The following KMT5A variants were observed in gnomAD, a reference collection of about 807,000 sequenced individuals.
The protein encoded by KMT5A is lysine methyltransferase 5A.
Under a neutral mutation model 40.6 loss-of-function variants are expected in KMT5A, and 6 were observed. The ratio of observed to expected loss-of-function variants is 0.15; its 90% CI spans 0.08 to 0.29. The LOEUF (loss-of-function observed/expected upper bound fraction) is 0.29, where lower values mean the gene tolerates loss of function less well. Among genes scored for constraint, KMT5A ranks in the 10% least tolerant of loss-of-function variants. The pLI is 1.00. For synonymous variants in KMT5A, 153 were observed against 178.8 expected (o/e 0.86, Z 1.15); for missense variants, 308 against 459.1 (o/e 0.67, Z 3.01).
chr12:123,386,946 C>G (rs1876909434), intron 1 of KMT5A, among the ~76,000 whole-genome samples: 1 of 151,920 alleles, frequency 6.6e-6, no homozygotes, highest in Non-Finnish European at 1.5e-5. Context: ...AACTCCACCC[C>G]CCTGGGTTCA....
At chr12:123,392,555 T>TTGGG (rs1877392135) in intron 3 of KMT5A, among the ~76,000 whole-genome samples, 1 of 152,086 alleles carries the variant, frequency 6.6e-6, no homozygotes, top group South Asian at 2.1e-4. Context: ...TCCCAGCTGC[T>TTGGG]TGGGAGGCTA....
At chr12:123,388,055 G>A (rs1281842794) in intron 1 of KMT5A, among the ~76,000 whole-genome samples, 1 of 152,202 alleles carries the variant, frequency 6.6e-6, no homozygotes, top group Non-Finnish European at 1.5e-5. Context: ...ACAGAGTAGT[G>A]GTGCAGGGCA....
chr12:123,390,181 T>C, intron 2 of KMT5A: 1 of 461,212 alleles, frequency 2.2e-6, no homozygotes, highest in Non-Finnish European at 4.4e-6. Context: ...GGGCTCTGGC[T>C]GTGCTGACAG....
In KMT5A at chr12:123,384,214, T is replaced by C. The variant is rs573769576; in HGVS notation, c.10+6T>C. ...GAGTGGAGCCATGGCTAGAGGTATT[T>C]GCCCAAGTGGCCGGCACCGGAGCGG... On this transcript the variant is annotated splice_donor_region_variant and intron_variant, in intron 1 of 7. Coordinates refer to ENST00000402868, the MANE Select transcript of KMT5A (RefSeq NM_020382.7). This position sits in a 1 kb window ranked among gnomAD's most constrained non-coding sequence, Gnocchi z 5.7. The C allele has an allele frequency of 3.1e-6, 5 of 1,613,374 alleles. No homozygotes were observed. The African/African-American group carries it at 4.0e-5, about 13-fold the overall frequency.
At chr12:123,401,807 C>T (rs999299018) in intron 5 of KMT5A, among the ~76,000 whole-genome samples, 1 of 152,100 alleles carries the variant, frequency 6.6e-6, no homozygotes, top group Admixed American at 6.6e-5. Flanking sequence ...GTCTCAAACT[C>T]GTAACCTCAA....
At position 123,390,271 on chromosome 12, in the gene KMT5A, G is replaced by T. The variant is rs188580281; in HGVS notation, c.133-359G>T. On this transcript the variant is annotated intron_variant, in intron 2 of 7. Transcript: ENST00000402868. Reference sequence around the variant, plus strand: ...TCTGTGCTGAGTCCCTGCGGCTCCTGCCAGGGCAGTGAACTCCTAAAGATA... The same window carrying T: ...TCTGTGCTGAGTCCCTGCGGCTCCTTCCAGGGCAGTGAACTCCTAAAGATA... 2.3e-5 allele frequency: 9 copies of T among 399,098 alleles called. No homozygotes were observed. The East Asian group carries it at 6.2e-4, about 28-fold the overall frequency. 24.7% of individuals were successfully genotyped at this position (399,098 alleles called of 1,614,324 possible). A position where few individuals can be genotyped will look rare whatever the true frequency, so the allele number is the denominator to read the frequency against.
chr12:123,390,164 G>A, intron 2 of KMT5A: 1 of 463,992 alleles, frequency 2.2e-6, no homozygotes, highest in Non-Finnish European at 4.4e-6. Flanking sequence ...AGGCTCCGGC[G>A]CTCATGGGGC....
rs373776406 is a variant in KMT5A at position 123,390,773 on chromosome 12, C to T, written c.276C>T (p.Tyr92=). The change falls in exon 3 of 8, where the codon TAC becomes TAT. Residue 92 remains tyrosine, a synonymous_variant. Coordinates refer to ENST00000402868, the MANE Select transcript of KMT5A (RefSeq NM_020382.7). ...AGGGGAAACCATTAGCCGGAATCTACAGGAAACGAGAAGGTAAGCTTTTGA... is the reference window on the plus strand; with the variant it reads ...AGGGGAAACCATTAGCCGGAATCTATAGGAAACGAGAAGGTAAGCTTTTGA... ...KCQGKPLAGI[Y]RKREEKRNAG... The T allele has an allele frequency of 2.8e-5, 45 of 1,613,754 alleles. No individual in the cohort carries two copies. The East Asian group carries it at 3.8e-4, about 14-fold the overall frequency.
At chr12:123,401,674 T>C (rs1321168195) in intron 5 of KMT5A, among the ~76,000 whole-genome samples, 1 of 151,844 alleles carries the variant, frequency 6.6e-6, no homozygotes, top group Non-Finnish European at 1.5e-5. Context: ...CTCCACCTCC[T>C]GGGTTCAAGC....
intron 1 of KMT5A, chr12:123,388,847 G>A (rs1305478876): frequency 6.7e-6 from 1 of 149,272 alleles, no homozygotes; most frequent in Non-Finnish European, 1.5e-5. Context: ...GGGCGCGCCC[G>A]AGCCGGGATT....
intron 2 of KMT5A, chr12:123,390,217 G>C (rs1242347181): frequency 4.4e-6 from 2 of 450,050 alleles, no homozygotes; most frequent in Non-Finnish European, 8.9e-6. Context: ...TCAGCACCAA[G>C]TGGTTAATCA....
At chr12:123,391,877 C>T (rs901676179) in intron 3 of KMT5A, among the ~76,000 whole-genome samples, 1 of 152,234 alleles carries the variant, frequency 6.6e-6, no homozygotes, top group Non-Finnish European at 1.5e-5. Flanking sequence ...CAGGGCTGGG[C>T]AAGCCCTGAA....
intron 5 of KMT5A, among the ~76,000 whole-genome samples, chr12:123,402,290 G>GC (rs1169436224): frequency 3.3e-5 from 5 of 152,262 alleles, no homozygotes; most frequent in African/African-American, 1.2e-4. Context: ...CGGGGCCGGG[G>GC]CCGTGGCTGG....
chr12:123,399,825 GT>G (rs1014306153), intron 5 of KMT5A, among the ~76,000 whole-genome samples: 3 of 151,938 alleles, frequency 2.0e-5, no homozygotes, highest in African/African-American at 4.8e-5. Flanking sequence ...TGGGTTTTTT[GT>G]TGTTTTGTTT....
chr12:123,396,509 G>C, intron 5 of KMT5A, 77 bp downstream of exon 5: 1 of 1,346,196 alleles, frequency 7.4e-7, no homozygotes, highest in South Asian at 1.2e-5. Flanking sequence ...GTGCGTATGT[G>C]TGTGTCCTCA....
chr12:123,407,208 A>G, intron 7 of KMT5A, among the ~76,000 whole-genome samples: 1 of 150,794 alleles, frequency 6.6e-6, no homozygotes, highest in South Asian at 2.1e-4. Context: ...ATGTGGTGGC[A>G]TGTACCTGTG....
chr12:123,402,804 G>A (rs1304862935), intron 5 of KMT5A, among the ~76,000 whole-genome samples: 1 of 152,196 alleles, frequency 6.6e-6, no homozygotes, highest in Non-Finnish European at 1.5e-5. Flanking sequence ...CCTCCATACA[G>A]GTGAATCTCA....
In KMT5A at chr12:123,409,023, G is replaced by C. The variant is rs1878811714; in HGVS notation, c.*1320G>C. On this transcript the variant is annotated 3_prime_UTR_variant, in exon 8 of 8. Transcript: ENST00000402868. ...CTTCAGTCCAGGGGGCCGGGGCTCA[G>C]GAGCCATGACCTGGTGTCTCCTGCC... 6.6e-6 allele frequency: 1 copy of C among 152,664 alleles called. No individual in the cohort carries two copies. The highest frequency in any genetic ancestry group is 1.5e-5 in the Non-Finnish European group (1 of 68,050). The allele number at this position is 152,664 out of a possible 1,614,324, so 9.5% of individuals were successfully genotyped here.
At position 123,409,125 on chromosome 12, in the gene KMT5A, C is replaced by T. The variant is rs1878825057; in HGVS notation, c.*1422C>T. On this transcript the variant is annotated 3_prime_UTR_variant, in exon 8 of 8. Coordinates refer to ENST00000402868, the MANE Select transcript of KMT5A (RefSeq NM_020382.7). ...CGTCTTTGATTCCCCCCCAACCCCA[C>T]CTCGGGCCTCACGACGGTGCTACCT... 6.6e-6 allele frequency: 1 copy of T among 152,390 alleles called. No homozygotes were observed. The highest frequency in any genetic ancestry group is 1.5e-5 in the Non-Finnish European group (1 of 68,030). The allele number at this position is 152,390 out of a possible 1,614,324, so 9.4% of individuals were successfully genotyped here. A position where few individuals can be genotyped will look rare whatever the true frequency, so the allele number is the denominator to read the frequency against.
Sources: gnomAD v4.1 joint callset for allele counts (sites outside exome capture counted in the v4.1 genomes callset) on GRCh38, gnomAD v4.1.1 for gene constraint, Gnocchi (gnomAD v3.1) non-coding constraint, MANE v1.5 for transcripts, NCBI Gene and HGNC (gene_info 2026-07-23, HGNC 2026-07-21) for gene names.